PPFIA2: variants seen among roughly 807,000 people sequenced by gnomAD.
PPFIA2 encodes the protein liprin-alpha-2.
Under a neutral mutation model 175.5 loss-of-function variants are expected in PPFIA2, and 46 were observed. The observed-to-expected ratio is 0.26, with a 90% CI of 0.21 to 0.34. The LOEUF is 0.34. Among genes scored for constraint, PPFIA2 ranks in the 10% least tolerant of loss-of-function variants. PPFIA2 has a pLI of 1.00. For synonymous variants in PPFIA2, 568 were observed against 511.4 expected, an observed-to-expected ratio of 1.11 and a Z score of -1.49; for missense variants, 1,179 against 1,506.1, an observed-to-expected ratio of 0.78 and a Z score of 3.60.
At chr12:81,629,216 T>C (rs534965034) in intron 4 of PPFIA2, among the ~76,000 whole-genome samples, 1 of 152,260 alleles carries the variant, frequency 6.6e-6, no homozygotes, top group South Asian at 2.1e-4. Flanking sequence ...TCAATTACTA[T>C]AAAAAATTTA....
chr12:81,618,159 C>G (rs2153476776), intron 4 of PPFIA2, among the ~76,000 whole-genome samples: 1 of 152,228 alleles, frequency 6.6e-6, no homozygotes, highest in South Asian at 2.1e-4. Context: ...CCAGTCTAAA[C>G]AGTGTAAAAA....
intron 4 of PPFIA2, among the ~76,000 whole-genome samples, chr12:81,676,481 A>C (rs1261109875): frequency 6.6e-6 from 1 of 152,012 alleles, no homozygotes; most frequent in African/African-American, 2.4e-5. Context: ...CAAATACTAT[A>C]CTCATATTTA....
At chr12:81,552,809 T>G (rs2068155707) in intron 4 of PPFIA2, among the ~76,000 whole-genome samples, 1 of 152,038 alleles carries the variant, frequency 6.6e-6, no homozygotes, top group African/African-American at 2.4e-5. Context: ...TAAAGTAGCT[T>G]TAGTCATTTT....
intron 8 of PPFIA2, among the ~76,000 whole-genome samples, chr12:81,400,799 G>A (rs529366082): frequency 3.9e-5 from 6 of 152,126 alleles, no homozygotes; most frequent in Non-Finnish European, 8.8e-5. Flanking sequence ...CCTGGGAGGC[G>A]AGAAGAGGCC....
intron 8 of PPFIA2, among the ~76,000 whole-genome samples, chr12:81,395,588 A>G (rs2040977449): frequency 6.6e-6 from 1 of 151,910 alleles, no homozygotes; most frequent in East Asian, 1.9e-4. Context: ...TATCTGACTG[A>G]AAACACTTCT....
In PPFIA2 at chr12:81,727,147, G is replaced by A. The variant is rs2080197632; in HGVS notation, c.249+26826C>T. 4.0e-5 allele frequency among the ~76,000 whole-genome samples: 6 copies of A among 151,266 alleles called. No individual in the cohort carries two copies. The South Asian group carries it at 1.2e-3, about 31-fold the overall frequency. ...TGGTGCCTGAAAAGCATTAGGCCAA[G>A]GAATTCTGGGTTCCTTCCATACATT... On this transcript the variant is annotated intron_variant, in intron 3 of 32. Transcript: ENST00000549396.
At chr12:81,457,174 G>T (rs756778042) in intron 5 of PPFIA2, among the ~76,000 whole-genome samples, 3 of 151,696 alleles carry the variant, frequency 2.0e-5, no homozygotes, top group Non-Finnish European at 4.4e-5. Context: ...AGTAGAAATG[G>T]GGTTTCACCA....
intron 8 of PPFIA2, among the ~76,000 whole-genome samples, chr12:81,386,619 C>T (rs1376302204): frequency 6.6e-6 from 1 of 151,266 alleles, no homozygotes; most frequent in Non-Finnish European, 1.5e-5. Context: ...GAGGCTCTGA[C>T]CAATAGTAAT....
At chr12:81,322,607 A>C (rs1471528950) in intron 22 of PPFIA2, among the ~76,000 whole-genome samples, 1 of 152,170 alleles carries the variant, frequency 6.6e-6, no homozygotes, top group African/African-American at 2.4e-5. Flanking sequence ...GGTTAACTAT[A>C]CTCTACATAA....
chr12:81,675,166 T>G (rs554583623), intron 4 of PPFIA2, among the ~76,000 whole-genome samples: 1 of 151,030 alleles, frequency 6.6e-6, no homozygotes, highest in Non-Finnish European at 1.5e-5. Context: ...TCTATCTAAG[T>G]ATACATATAT....
At chr12:81,509,679 T>C (rs1263256260) in intron 4 of PPFIA2, among the ~76,000 whole-genome samples, 5 of 152,032 alleles carry the variant, frequency 3.3e-5, no homozygotes, top group Non-Finnish European at 7.4e-5. Flanking sequence ...CATCTCAAAG[T>C]TGTGGATCAC....
chr12:81,347,070 C>T (rs2059191424), intron 18 of PPFIA2, among the ~76,000 whole-genome samples: 1 of 152,010 alleles, frequency 6.6e-6, no homozygotes, highest in East Asian at 1.9e-4. Context: ...GCAGTGACTA[C>T]AGGTACAGAC....
At chr12:81,533,896 T>C (rs1003458175) in intron 4 of PPFIA2, among the ~76,000 whole-genome samples, 1 of 151,466 alleles carries the variant, frequency 6.6e-6, no homozygotes, top group Non-Finnish European at 1.5e-5. Context: ...GTCTTTAAAT[T>C]ATCACTCCCT....
chr12:81,527,294 A>C (rs1413723594), intron 4 of PPFIA2, among the ~76,000 whole-genome samples: 2 of 152,082 alleles, frequency 1.3e-5, no homozygotes. Flanking sequence ...CTAAGAAAAC[A>C]TATTATTAAT....
intron 3 of PPFIA2, among the ~76,000 whole-genome samples, chr12:81,738,978 A>G (rs1271610126): frequency 6.6e-6 from 1 of 151,918 alleles, no homozygotes; most frequent in East Asian, 1.9e-4. Flanking sequence ...TTCAAGGGAA[A>G]ATACCAGTCC....
intron 28 of PPFIA2, among the ~76,000 whole-genome samples, chr12:81,274,937 T>C (rs1272338918): frequency 6.6e-6 from 1 of 152,204 alleles, no homozygotes; most frequent in Non-Finnish European, 1.5e-5. Context: ...CAGATACTAA[T>C]ATAACATTTG....
chr12:81,507,724 C>G (rs2061330599), intron 4 of PPFIA2, among the ~76,000 whole-genome samples: 1 of 152,144 alleles, frequency 6.6e-6, no homozygotes, highest in South Asian at 2.1e-4. Flanking sequence ...CTCCTTTAGT[C>G]TACGCTAGGC....
intron 3 of PPFIA2, among the ~76,000 whole-genome samples, chr12:81,705,511 C>A (rs1048563944): frequency 2.7e-5 from 4 of 150,162 alleles, no homozygotes; most frequent in African/African-American, 4.9e-5. Flanking sequence ...TACCTACTCA[C>A]AGAGTGTCCA....
At chr12:81,414,570 T>C (rs1264757764) in intron 7 of PPFIA2, among the ~76,000 whole-genome samples, 1 of 151,680 alleles carries the variant, frequency 6.6e-6, no homozygotes. Context: ...ATTTAACAAC[T>C]TCCAGATAGT....
Sources: allele counts gnomAD v4.1 joint callset (sites outside exome capture counted in the v4.1 genomes callset), GRCh38; gene constraint gnomAD v4.1.1; transcripts MANE v1.5; gene names NCBI Gene and HGNC (gene_info 2026-07-23, HGNC 2026-07-21).